The following ARHGAP35 variants were observed in gnomAD, a reference collection of about 807,000 sequenced individuals.
ARHGAP35 encodes the protein Rho GTPase activating protein 35.
A neutral mutation model predicts 111.1 loss-of-function variants in ARHGAP35; 15 were observed. That is an observed-to-expected ratio of 0.13 (90% confidence interval 0.09 to 0.21). ARHGAP35 has a LOEUF of 0.21. ARHGAP35 is among the 10% of genes least tolerant of loss of function. ARHGAP35 has a pLI of 1.00. For synonymous variants in ARHGAP35, 643 were observed against 710.3 expected (o/e 0.91, Z 1.51); for missense variants, 1,262 against 1,873.0 (o/e 0.67, Z 6.02).
Position 46,937,939 on chromosome 19 carries a change from T to C in ARHGAP35, c.3826+531T>C, listed in dbSNP as rs139668590. Among the ~76,000 whole-genome samples the C allele has an allele frequency of 3.2e-3, 489 of 152,356 alleles. 2 individuals carry two copies. The highest frequency in any genetic ancestry group is 0.011 in the African/African-American group (463 of 41,584). On this transcript the variant is annotated intron_variant, in intron 3 of 6. Transcript: ENST00000672722. ...TTGGGATATCTTCTGGTTATGCCGC[T>C]CCTCTGACAACTTGATGCTATCACA...
intron 3 of ARHGAP35, among the ~76,000 whole-genome samples, chr19:46,980,304 G>A (rs2056614379): frequency 6.6e-6 from 1 of 152,196 alleles, no homozygotes; most frequent in East Asian, 1.9e-4. Context: ...AGAATCGCTG[G>A]AACCCGGGAA....
intron 5 of ARHGAP35, among the ~76,000 whole-genome samples, chr19:46,997,196 T>C (rs2056715390): frequency 2.0e-5 from 3 of 152,156 alleles, no homozygotes. Flanking sequence ...GGTGGAACCC[T>C]TAAAATAAAC....
intron 3 of ARHGAP35, among the ~76,000 whole-genome samples, chr19:46,959,089 A>G (rs1568479814): frequency 6.6e-6 from 1 of 152,130 alleles, no homozygotes; most frequent in African/African-American, 2.4e-5. Context: ...AAATTTATTT[A>G]TTTATTTGAG....
Position 46,918,668 on chromosome 19 carries a change from T to C in ARHGAP35, c.-8T>C, listed in dbSNP as rs990958573. The C allele has an allele frequency of 3.1e-6, 5 of 1,608,276 alleles. No homozygotes were observed. The East Asian group carries it at 1.1e-4, about 36-fold the overall frequency. On this transcript the variant is annotated 5_prime_UTR_variant, in exon 2 of 7. Coordinates refer to ENST00000672722, the MANE Select transcript of ARHGAP35 (RefSeq NM_004491.5). The surrounding 1 kb of genome is among the most constrained non-coding windows in gnomAD (Gnocchi z 5.4). ...AGAAGTGGCTGATCGTGGCAGGATG[T>C]GTCGACGATGATGATGGCAAGAAAG...
At chr19:46,965,423 G>C (rs1280401632) in intron 3 of ARHGAP35, among the ~76,000 whole-genome samples, 1 of 152,118 alleles carries the variant, frequency 6.6e-6, no homozygotes, top group Non-Finnish European at 1.5e-5. Flanking sequence ...TGCTTTAATA[G>C]CTGGTAAAAT....
intron 3 of ARHGAP35, among the ~76,000 whole-genome samples, chr19:46,976,271 A>G (rs1015738276): frequency 9.5e-6 from 1 of 105,038 alleles, no homozygotes; most frequent in African/African-American, 3.8e-5. Flanking sequence ...CTGCTTGCTT[A>G]TAAGTTAAGC....
intron 1 of ARHGAP35, among the ~76,000 whole-genome samples, chr19:46,872,795 G>A: frequency 6.6e-6 from 1 of 151,844 alleles, no homozygotes; most frequent in Non-Finnish European, 1.5e-5. Flanking sequence ...GCAGGAGAAT[G>A]GCGTGAACCC....
intron 3 of ARHGAP35, among the ~76,000 whole-genome samples, chr19:46,950,008 TG>T (rs1311771617): frequency 6.6e-6 from 1 of 152,176 alleles, no homozygotes; most frequent in Non-Finnish European, 1.5e-5. Context: ...ATCTGGGCAC[TG>T]GTTGCATAGG....
intron 3 of ARHGAP35, among the ~76,000 whole-genome samples, chr19:46,968,042 C>T (rs534525973): frequency 3.3e-5 from 5 of 152,274 alleles, no homozygotes; most frequent in South Asian, 2.1e-4. Flanking sequence ...GGGAAGGGAC[C>T]GGGTCATCTT....
At chr19:46,883,792 C>T (rs2055978473) in intron 1 of ARHGAP35, among the ~76,000 whole-genome samples, 2 of 152,164 alleles carry the variant, frequency 1.3e-5, no homozygotes, top group South Asian at 2.1e-4. Context: ...CGGTGGCTCA[C>T]TCCTGTAATC....
intron 3 of ARHGAP35, among the ~76,000 whole-genome samples, chr19:46,942,449 A>G (rs1222484286): frequency 6.6e-6 from 1 of 152,066 alleles, no homozygotes; most frequent in Non-Finnish European, 1.5e-5. Context: ...CCTGACCAAC[A>G]TGGCAAAACC....
intron 1 of ARHGAP35, among the ~76,000 whole-genome samples, chr19:46,915,311 A>G (rs969501804): frequency 5.3e-5 from 8 of 152,170 alleles, no homozygotes; most frequent in Non-Finnish European, 1.2e-4. Context: ...AGAACATGGC[A>G]TCTTTAGGAA....
At chr19:46,997,340 A>G (rs921585791) in intron 5 of ARHGAP35, among the ~76,000 whole-genome samples, 2 of 152,112 alleles carry the variant, frequency 1.3e-5, no homozygotes, top group Admixed American at 6.6e-5. Context: ...CAGATTTGCC[A>G]GGTTTCATTC....
chr19:46,966,865 A>G (rs1363484370), intron 3 of ARHGAP35, among the ~76,000 whole-genome samples: 1 of 152,170 alleles, frequency 6.6e-6, no homozygotes, highest in Non-Finnish European at 1.5e-5. Flanking sequence ...CCCAGTGCCC[A>G]TGAGGCTGCA....
Position 47,001,222 on chromosome 19 carries a change from C to T in ARHGAP35, c.*534C>T, listed in dbSNP as rs1047580294. 6 of 1,279,034 alleles carry T rather than the reference C, an allele frequency of 4.7e-6. No homozygotes were observed. In the South Asian group the frequency reaches 6.3e-5, roughly 13 times the overall value. 79.2% of individuals were successfully genotyped at this position (1,279,034 alleles called of 1,614,324 possible). A position where few individuals can be genotyped will look rare whatever the true frequency, so the allele number is the denominator to read the frequency against. On this transcript the variant is annotated 3_prime_UTR_variant, in exon 7 of 7. Transcript: ENST00000672722. The surrounding 1 kb of genome is among the most constrained non-coding windows in gnomAD (Gnocchi z 5.4). ...CGTGTAGGCCACGGCTCTGCCACCA[C>T]TAGGTACCTGCTGAGGGCGCTGGCT...
intron 1 of ARHGAP35, among the ~76,000 whole-genome samples, chr19:46,879,587 AAAATAAATAAAT>A (rs376342193): frequency 1.1e-5 from 1 of 87,678 alleles, no homozygotes; most frequent in East Asian, 2.5e-4. Context: ...ACTCCATCTC[AAAATAAATAAAT>A]AAATAAATAA....
rs117876970 is a variant in ARHGAP35, at chr19:46,885,053, G to T, written c.-189+23844G>T. 7.4e-3 allele frequency among the ~76,000 whole-genome samples: 1,121 copies of T among 152,212 alleles called. 55 individuals carry two copies. The highest frequency in any genetic ancestry group is 0.063 in the Admixed American group (957 of 15,270). ...TATCTAAATCCTAAAGCTTGCGGAA[G>T]TTCTTTCAGCTGTCCCCATGGCTTT... On this transcript the variant is annotated intron_variant, in intron 1 of 6. Transcript: ENST00000672722.
chr19:46,927,881 G>C (rs961832467), intron 2 of ARHGAP35, among the ~76,000 whole-genome samples: 6 of 152,120 alleles, frequency 3.9e-5, no homozygotes, highest in Non-Finnish European at 8.8e-5. Flanking sequence ...CTGCAGAAAA[G>C]TTGCTAATAT....
chr19:46,967,292 G>T (rs1209993498), intron 3 of ARHGAP35, among the ~76,000 whole-genome samples: 3 of 152,084 alleles, frequency 2.0e-5, no homozygotes, highest in Non-Finnish European at 4.4e-5. Context: ...TACCATTTGC[G>T]GGAAGGTAGG....
Sources: allele counts gnomAD v4.1 joint callset (sites outside exome capture counted in the v4.1 genomes callset), GRCh38; gene constraint gnomAD v4.1.1; non-coding constraint Gnocchi (gnomAD v3.1); transcripts MANE v1.5; gene names NCBI Gene and HGNC (gene_info 2026-07-23, HGNC 2026-07-21).